The following GLCCI1 variants were observed in gnomAD, a reference collection of about 807,000 sequenced individuals.
GLCCI1 encodes the protein glucocorticoid induced 1.
GLCCI1 carries 24 observed loss-of-function variants against 52.2 expected under a neutral mutation model. The observed-to-expected ratio is 0.46, with a 90% confidence interval of 0.33 to 0.65. The LOEUF is 0.65. GLCCI1 is among the 30% of genes least tolerant of loss of function. The probability of loss-of-function intolerance (pLI) is 0.02; values close to 1 mark genes in which losing one functional copy is unlikely to be tolerated. For synonymous variants in GLCCI1, 310 were observed against 276.5 expected, an observed-to-expected ratio of 1.12 and a Z score of -1.20; for missense variants, 704 against 701.5, an observed-to-expected ratio of 1.00 and a Z score of -0.04.
At chr7:8,021,622 C>T (rs1371656581) in intron 2 of GLCCI1, among the ~76,000 whole-genome samples, 1 of 152,060 alleles carries the variant, frequency 6.6e-6, no homozygotes, top group Non-Finnish European at 1.5e-5. Context: ...AGGCTGGTCT[C>T]GGACTCCTGA....
chr7:8,025,423 AG>A (rs1230903932), intron 3 of GLCCI1, among the ~76,000 whole-genome samples: 1 of 152,210 alleles, frequency 6.6e-6, no homozygotes, highest in Non-Finnish European at 1.5e-5. Flanking sequence ...AGAGTTAAAA[AG>A]GGCAATAACT....
chr7:8,032,991 A>C (rs1439221604), intron 3 of GLCCI1, among the ~76,000 whole-genome samples: 1 of 151,990 alleles, frequency 6.6e-6, no homozygotes, highest in South Asian at 2.1e-4. Context: ...GAATATAAAT[A>C]TAAAATTATT....
chr7:8,064,328 G>A (rs539261313), intron 5 of GLCCI1, among the ~76,000 whole-genome samples: 7 of 152,220 alleles, frequency 4.6e-5, no homozygotes, highest in South Asian at 2.1e-4. Context: ...TATAGCTAGC[G>A]AATTATCCCA....
chr7:7,986,489 C>T (rs772650110), intron 1 of GLCCI1, among the ~76,000 whole-genome samples: 6 of 151,462 alleles, frequency 4.0e-5, no homozygotes, highest in Non-Finnish European at 7.4e-5. Context: ...CACACCACTG[C>T]ACTCCAGCCT....
chr7:7,999,159 T>C (rs1216268377), intron 1 of GLCCI1, among the ~76,000 whole-genome samples: 1 of 151,926 alleles, frequency 6.6e-6, no homozygotes, highest in African/African-American at 2.4e-5. Context: ...GCATGTGATC[T>C]TTTTAAAGAG....
At chr7:8,043,452 T>G (rs1190281127) in intron 3 of GLCCI1, among the ~76,000 whole-genome samples, 4 of 152,188 alleles carry the variant, frequency 2.6e-5, no homozygotes. Flanking sequence ...TTGCCAATCC[T>G]TGCTAAGTAA....
At chr7:8,046,904 G>C (rs182603801) in intron 3 of GLCCI1, among the ~76,000 whole-genome samples, 4 of 152,198 alleles carry the variant, frequency 2.6e-5, no homozygotes, top group Admixed American at 1.3e-4. Flanking sequence ...ATAGTGCCAG[G>C]GAAGAGAAAT....
Position 8,009,308 on chromosome 7 carries a change from T to C in GLCCI1, c.609+5249T>C, listed in dbSNP as rs141644277. Among the ~76,000 whole-genome samples, 247 of 152,336 alleles carry C rather than the reference T, an allele frequency of 1.6e-3. 2 individuals carry two copies. The highest frequency in any genetic ancestry group is 5.3e-3 in the African/African-American group (222 of 41,590). On this transcript the variant is annotated intron_variant, in intron 2 of 7. Transcript: ENST00000223145. ...TAATGTTTCCTCAGTCTTCACCCCATAGTCTGAGGTGTAGTCTCTGGACAA... is the reference window on the plus strand; with the variant it reads ...TAATGTTTCCTCAGTCTTCACCCCACAGTCTGAGGTGTAGTCTCTGGACAA...
chr7:8,035,832 C>G (rs909168916), intron 3 of GLCCI1, among the ~76,000 whole-genome samples: 2 of 152,166 alleles, frequency 1.3e-5, no homozygotes, highest in Non-Finnish European at 2.9e-5. Context: ...GTTCCCTCCC[C>G]CACATAGAGA....
intron 1 of GLCCI1, among the ~76,000 whole-genome samples, chr7:7,991,495 T>C (rs948525977): frequency 1.3e-5 from 2 of 152,090 alleles, no homozygotes; most frequent in African/African-American, 4.8e-5. Context: ...CATAATTTGA[T>C]TGTCCTTTTG....
chr7:8,033,231 A>C lies in GLCCI1; in HGVS notation c.696+10662A>C, dbSNP rs191706441. Among the ~76,000 whole-genome samples, 6 of 152,166 alleles carry C rather than the reference A, an allele frequency of 3.9e-5. No homozygotes were observed. In the East Asian group the frequency reaches 7.7e-4, roughly 20 times the overall value. On this transcript the variant is annotated intron_variant, in intron 3 of 7. Transcript: ENST00000223145. Reference sequence around the variant, plus strand: ...TTCATGATTAAAAAAAAAAATCAACAAACTGGGAACAGAAGAAAACTTTCT... The same window carrying C: ...TTCATGATTAAAAAAAAAAATCAACCAACTGGGAACAGAAGAAAACTTTCT...
chr7:8,080,765 A>G (rs1443676721), intron 6 of GLCCI1, among the ~76,000 whole-genome samples: 1 of 146,320 alleles, frequency 6.8e-6, no homozygotes, highest in African/African-American at 2.8e-5. Context: ...ACTTTTTACT[A>G]TAATAATAAT....
chr7:7,992,357 A>T (rs920086824), intron 1 of GLCCI1, among the ~76,000 whole-genome samples: 1 of 151,966 alleles, frequency 6.6e-6, no homozygotes, highest in South Asian at 2.1e-4. Flanking sequence ...AATGACTCAC[A>T]CCTTCCACCA....
At chr7:8,059,233 A>T (rs2127960276) in intron 4 of GLCCI1, among the ~76,000 whole-genome samples, 1 of 152,268 alleles carries the variant, frequency 6.6e-6, no homozygotes, top group African/African-American at 2.4e-5. Context: ...ATATGAGAAA[A>T]GTTCATGCAT....
chr7:8,043,520 AG>A (rs1172172493), intron 3 of GLCCI1, among the ~76,000 whole-genome samples: 23 of 152,358 alleles, frequency 1.5e-4, no homozygotes, highest in African/African-American at 5.0e-4. Context: ...ATTGCAGAAA[AG>A]GCAAATCTAT....
At chr7:7,976,479 CAA>C (rs35255634) in intron 1 of GLCCI1, among the ~76,000 whole-genome samples, 1,586 of 24,646 alleles carry the variant, frequency 0.064, 30 homozygotes, top group East Asian at 0.23. Context: ...AACTCCATCT[CAA>C]AAAAAAAAAA....
intron 2 of GLCCI1, among the ~76,000 whole-genome samples, chr7:8,011,616 G>A (rs1389846797): frequency 6.6e-6 from 1 of 152,062 alleles, no homozygotes; most frequent in Non-Finnish European, 1.5e-5. Context: ...TAGTGTGTGG[G>A]TATCTTTTCG....
chr7:8,063,588 C>A (rs1411693236), intron 5 of GLCCI1, among the ~76,000 whole-genome samples: 1 of 146,614 alleles, frequency 6.8e-6, no homozygotes, highest in Non-Finnish European at 1.5e-5. Flanking sequence ...AGTGTCTGTG[C>A]GTGTGATTTG....
chr7:8,084,704 G>C (rs1303112953), intron 6 of GLCCI1, 193 bp from the exon 7 acceptor site: 2 of 519,492 alleles, frequency 3.8e-6, no homozygotes, highest in Non-Finnish European at 3.3e-6. Flanking sequence ...TGGTGTGGCA[G>C]ATGACTGTTG....
Sources: allele counts gnomAD v4.1 joint callset (sites outside exome capture counted in the v4.1 genomes callset), GRCh38; gene constraint gnomAD v4.1.1; transcripts MANE v1.5; gene names NCBI Gene and HGNC (gene_info 2026-07-23, HGNC 2026-07-21).